The following TDRD7 variants were observed in gnomAD, a reference collection of about 807,000 sequenced individuals.
TDRD7 encodes tudor domain-containing protein 7.
In TDRD7, 47 loss-of-function variants were observed where a neutral mutation model predicts 109.8. The ratio of observed to expected loss-of-function variants is 0.43; its 90% CI spans 0.34 to 0.55. The LOEUF is 0.55. Ranked by LOEUF, TDRD7 falls within the 20% of genes least tolerant of loss-of-function variation. The pLI is 0.03. For missense variants in TDRD7, 1,164 were observed against 1,319.2 expected (o/e 0.88, Z 1.82); for synonymous variants, 424 against 457.3 (o/e 0.93, Z 0.93).
chr9:97,451,053 G>T (rs1018492457), intron 6 of TDRD7, among the ~76,000 whole-genome samples: 2 of 152,028 alleles, frequency 1.3e-5, no homozygotes, highest in Non-Finnish European at 2.9e-5. Flanking sequence ...AGGGCCTAAA[G>T]ATTAGGTTGA....
chr9:97,418,305 G>T (rs936606067), intron 1 of TDRD7, among the ~76,000 whole-genome samples: 19 of 152,142 alleles, frequency 1.2e-4, no homozygotes, highest in African/African-American at 4.1e-4. Flanking sequence ...CTTCTGTGCC[G>T]TGCAGATTCA....
In TDRD7 at chr9:97,428,823, G is replaced by T. The variant is rs1418184872; in HGVS notation, c.207+151G>T. ...AGTGACAGAGAAAACAGCATGTAAA[G>T]CACAGCCTACATTCTTATGTCTTTT... On this transcript the variant is annotated intron_variant, in intron 2 of 16. Transcript: ENST00000355295. 29 of 731,130 alleles carry T rather than the reference G, an allele frequency of 4.0e-5. No homozygotes were observed. The East Asian group carries it at 7.5e-4, about 19-fold the overall frequency. The allele number at this position is 731,130 out of a possible 1,614,324, so 45.3% of individuals were successfully genotyped here.
At chr9:97,431,513 C>T (rs1345203363) in intron 3 of TDRD7, among the ~76,000 whole-genome samples, 1 of 152,124 alleles carries the variant, frequency 6.6e-6, no homozygotes, top group East Asian at 1.9e-4. Flanking sequence ...CCTTTGTTTA[C>T]CGAACACTTA....
At chr9:97,447,930 C>T (rs745746884) in intron 6 of TDRD7, among the ~76,000 whole-genome samples, 1 of 152,158 alleles carries the variant, frequency 6.6e-6, no homozygotes. Context: ...TAAATAATTG[C>T]AATGTGTGTC....
intron 12 of TDRD7, among the ~76,000 whole-genome samples, chr9:97,477,710 A>C (rs1829046347): frequency 6.6e-6 from 1 of 152,034 alleles, no homozygotes; most frequent in South Asian, 2.1e-4. Flanking sequence ...TATTCTTGAT[A>C]GTTATACAAA....
rs1828956931 is a variant in TDRD7, at chr9:97,473,493, T to A, written c.1946T>A (p.Val649Asp). 6.2e-7 allele frequency: 1 copy of A among 1,613,466 alleles called. No individual in the cohort carries two copies. Among genetic ancestry groups the A allele is most frequent in the Admixed American group, 1.7e-5 (1 of 59,984 alleles). Reference sequence around the variant, plus strand: ...CGAGGTATCCTTTGTCTGTTATAGGTTGACGCCATGTACACAAATGTCAAA... The same window carrying A: ...CGAGGTATCCTTTGTCTGTTATAGGATGACGCCATGTACACAAATGTCAAA... ...CDKSLEVHLQ[V>D]DAMYTNVKVT... is the part of the protein sequence containing the mutation. The change falls in exon 11 of 17, where the codon GTT (valine) becomes GAT (aspartate). Residue 649 changes from valine to aspartate, a missense_variant and splice_region_variant. Val to Asp is a radical substitution (Grantham distance 152). This residue lies in a region of TDRD7 where 261 missense variants were observed against 336.2 expected (regional missense o/e 0.78). Transcript: ENST00000355295.
At chr9:97,466,943 A>T (rs1483001108) in intron 8 of TDRD7, among the ~76,000 whole-genome samples, 1 of 152,198 alleles carries the variant, frequency 6.6e-6, no homozygotes, top group Admixed American at 6.5e-5. Context: ...TTCAGTGTAA[A>T]TTATACTTGG....
Position 97,412,840 on chromosome 9 carries a change from CG to C in TDRD7, c.-7+603del, listed in dbSNP as rs1405383345. On this transcript the variant is annotated intron_variant, in intron 1 of 16. Coordinates refer to ENST00000355295, the MANE Select transcript of TDRD7 (RefSeq NM_014290.3). This position sits in a 1 kb window ranked among gnomAD's most constrained non-coding sequence, Gnocchi z 4.3. ...CCCAGCTGGGAGGGAAACATGGATC[CG>C]TGAGTAAGTTGTCTCTCAACTTTCA... Among the ~76,000 whole-genome samples, 29 of 152,282 alleles carry C rather than the reference CG, an allele frequency of 1.9e-4. No individual in the cohort carries two copies. In the East Asian group the frequency reaches 5.4e-3, roughly 28 times the overall value.
intron 16 of TDRD7, among the ~76,000 whole-genome samples, chr9:97,489,184 T>G (rs1041652239): frequency 6.6e-6 from 1 of 152,234 alleles, no homozygotes; most frequent in Non-Finnish European, 1.5e-5. Context: ...TTGAGTTCAC[T>G]TATGTCCTTA....
intron 6 of TDRD7, among the ~76,000 whole-genome samples, chr9:97,459,415 A>ATGCTCTAGTAGTAGAGCTGACCTC (rs1396649499): frequency 6.6e-6 from 1 of 152,358 alleles, no homozygotes; most frequent in African/African-American, 2.4e-5. Flanking sequence ...GCATTGGGCC[A>ATGCTCTAGTAGTAGAGCTGACCTC]TGCTCTAGTA....
At chr9:97,425,648 A>G (rs1827979173) in intron 1 of TDRD7, among the ~76,000 whole-genome samples, 2 of 152,186 alleles carry the variant, frequency 1.3e-5, no homozygotes, top group African/African-American at 4.8e-5. Flanking sequence ...TGTGAAAAGA[A>G]TAAGAATACA....
At chr9:97,423,309 A>C (rs187022943) in intron 1 of TDRD7, among the ~76,000 whole-genome samples, 1 of 152,056 alleles carries the variant, frequency 6.6e-6, no homozygotes, top group Non-Finnish European at 1.5e-5. Context: ...ACTTACTGGC[A>C]TAACTGTTTT....
At chr9:97,423,184 G>A (rs113861167) in intron 1 of TDRD7, among the ~76,000 whole-genome samples, 2 of 152,166 alleles carry the variant, frequency 1.3e-5, no homozygotes, top group East Asian at 3.8e-4. Flanking sequence ...ATTTTTAACT[G>A]TAAATTCAAA....
At chr9:97,455,771 G>A (rs1332514555) in intron 6 of TDRD7, among the ~76,000 whole-genome samples, 1 of 152,160 alleles carries the variant, frequency 6.6e-6, no homozygotes, top group Non-Finnish European at 1.5e-5. Flanking sequence ...TACAAGATGA[G>A]GATGCCCTCT....
At chr9:97,453,233 T>G (rs1828531551) in intron 6 of TDRD7, among the ~76,000 whole-genome samples, 1 of 152,184 alleles carries the variant, frequency 6.6e-6, no homozygotes, top group Non-Finnish European at 1.5e-5. Context: ...AGGTGGGCTT[T>G]ACAGGCTCAT....
chr9:97,481,733 A>C (rs1829120219), intron 14 of TDRD7, among the ~76,000 whole-genome samples: 1 of 152,150 alleles, frequency 6.6e-6, no homozygotes, highest in Non-Finnish European at 1.5e-5. Flanking sequence ...GCTACTCTTT[A>C]AGCTCCTAAA....
intron 4 of TDRD7, among the ~76,000 whole-genome samples, chr9:97,434,552 A>G (rs532166550): frequency 2.6e-5 from 4 of 152,314 alleles, no homozygotes; most frequent in Admixed American, 2.6e-4. Flanking sequence ...TGATTTAGCC[A>G]TTCCACAGTG....
intron 1 of TDRD7, among the ~76,000 whole-genome samples, chr9:97,423,799 A>C (rs896812516): frequency 6.6e-6 from 1 of 152,096 alleles, no homozygotes; most frequent in Non-Finnish European, 1.5e-5. Context: ...TTAAATTTGC[A>C]TGGAGATTGT....
At chr9:97,436,795 C>T (rs1225690609) in intron 4 of TDRD7, among the ~76,000 whole-genome samples, 2 of 152,136 alleles carry the variant, frequency 1.3e-5, no homozygotes, top group Non-Finnish European at 2.9e-5. Context: ...CTGTATCAGT[C>T]ATTACACAAT....
Sources: allele counts gnomAD v4.1 joint callset (sites outside exome capture counted in the v4.1 genomes callset), GRCh38; gene constraint gnomAD v4.1.1; regional missense constraint gnomAD v4.1.1; non-coding constraint Gnocchi (gnomAD v3.1); transcripts MANE v1.5; gene names NCBI Gene and HGNC (gene_info 2026-07-23, HGNC 2026-07-21).